SPOCK3: variants seen among roughly 807,000 people sequenced by gnomAD.
SPOCK3 encodes SPARC (osteonectin), cwcv and kazal like domains proteoglycan 3, also known as testican-3.
Under a neutral mutation model 56.6 loss-of-function variants are expected in SPOCK3, and 30 were observed. That is an observed-to-expected ratio of 0.53 (90% CI 0.40 to 0.72). The LOEUF is 0.72. Among genes scored for constraint, SPOCK3 ranks in the 30% least tolerant of loss-of-function variants. SPOCK3 has a pLI of 0.00. For missense variants in SPOCK3, 527 were observed against 530.0 expected, an observed-to-expected ratio of 0.99 and a Z score of 0.06; for synonymous variants, 196 against 183.3, an observed-to-expected ratio of 1.07 and a Z score of -0.56.
chr4:167,109,413 A>G (rs1561225473), intron 2 of SPOCK3, among the ~76,000 whole-genome samples: 1 of 82,130 alleles, frequency 1.2e-5, no homozygotes, highest in African/African-American at 4.4e-5. Context: ...ATATAAATAT[A>G]TATATAAATA....
chr4:166,926,961 T>C (rs1380628862), intron 4 of SPOCK3, among the ~76,000 whole-genome samples: 2 of 152,122 alleles, frequency 1.3e-5, no homozygotes, highest in Admixed American at 1.3e-4. Context: ...AGATTTATAA[T>C]GCTTAAATCC....
At chr4:166,736,549 T>C (rs962870085) in intron 10 of SPOCK3, among the ~76,000 whole-genome samples, 1 of 152,158 alleles carries the variant, frequency 6.6e-6, no homozygotes, top group Non-Finnish European at 1.5e-5. Flanking sequence ...AGATTACTTT[T>C]ATTGTTTATC....
chr4:166,793,780 G>A (rs1409927567), intron 6 of SPOCK3, among the ~76,000 whole-genome samples: 2 of 152,110 alleles, frequency 1.3e-5, no homozygotes, highest in Non-Finnish European at 2.9e-5. Flanking sequence ...CTGAAAGGCA[G>A]CATAGCAACA....
chr4:167,037,425 T>C (rs1318763604), intron 3 of SPOCK3, among the ~76,000 whole-genome samples: 1 of 149,240 alleles, frequency 6.7e-6, no homozygotes, highest in Non-Finnish European at 1.5e-5. Flanking sequence ...GAGGTTGCAG[T>C]GAGCCGAGAT....
At chr4:166,963,365 T>G (rs1201297570) in intron 4 of SPOCK3, among the ~76,000 whole-genome samples, 1 of 152,056 alleles carries the variant, frequency 6.6e-6, no homozygotes, top group Non-Finnish European at 1.5e-5. Context: ...AATTGAGATG[T>G]TAACCTCAAA....
At chr4:167,013,573 T>C (rs998213190) in intron 3 of SPOCK3, among the ~76,000 whole-genome samples, 2 of 151,536 alleles carry the variant, frequency 1.3e-5, no homozygotes, top group Non-Finnish European at 2.9e-5. Flanking sequence ...TTTACCGGTT[T>C]CCATTTTGTA....
At chr4:167,023,308 C>T (rs537537512) in intron 3 of SPOCK3, among the ~76,000 whole-genome samples, 1 of 151,918 alleles carries the variant, frequency 6.6e-6, no homozygotes, top group Non-Finnish European at 1.5e-5. Flanking sequence ...GCCATGGGTA[C>T]TGTGTCTGGT....
chr4:166,839,368 C>T (rs1308074077), intron 6 of SPOCK3, among the ~76,000 whole-genome samples: 1 of 152,128 alleles, frequency 6.6e-6, no homozygotes, highest in Non-Finnish European at 1.5e-5. Flanking sequence ...CCACTGACAA[C>T]AGGAAGAAGG....
chr4:167,062,601 A>C (rs547573601), intron 2 of SPOCK3, 64 bp from the exon 3 acceptor site: 16 of 1,302,580 alleles, frequency 1.2e-5, no homozygotes, highest in Non-Finnish European at 1.6e-5. Flanking sequence ...GTTCATATAA[A>C]ATCTAAAATT....
At chr4:166,763,768 A>G (rs1430031301) in intron 7 of SPOCK3, among the ~76,000 whole-genome samples, 1 of 152,140 alleles carries the variant, frequency 6.6e-6, no homozygotes, top group Non-Finnish European at 1.5e-5. Context: ...TAAACCCTAG[A>G]GCAAACACCA....
intron 4 of SPOCK3, among the ~76,000 whole-genome samples, chr4:166,923,435 G>A (rs1371406935): frequency 6.6e-6 from 1 of 152,158 alleles, no homozygotes; most frequent in East Asian, 1.9e-4. Flanking sequence ...TCACAACAGG[G>A]AGAATACTCA....
At chr4:167,062,633 T>TA in intron 2 of SPOCK3, 96 bp from the exon 3 acceptor site, 1 of 869,782 alleles carries the variant, frequency 1.1e-6, no homozygotes, top group Non-Finnish European at 1.9e-6. Flanking sequence ...ACAGAAGCTG[T>TA]ATACAAACCT....
At chr4:167,039,458 T>A in intron 3 of SPOCK3, among the ~76,000 whole-genome samples, 1 of 152,226 alleles carries the variant, frequency 6.6e-6, no homozygotes, top group East Asian at 1.9e-4. Flanking sequence ...AATGTAAAAA[T>A]TTTATTTCTA....
At chr4:167,083,150 G>A in intron 2 of SPOCK3, 1 of 763,956 alleles carries the variant, frequency 1.3e-6, no homozygotes, top group Non-Finnish European at 2.4e-6. Flanking sequence ...GGTTGCCCTA[G>A]GCTGTTCTTC....
chr4:166,980,207 CT>C (rs1746414594), intron 4 of SPOCK3, among the ~76,000 whole-genome samples: 1 of 152,170 alleles, frequency 6.6e-6, no homozygotes, highest in Non-Finnish European at 1.5e-5. Flanking sequence ...ACATATTAGA[CT>C]TTAGCCTGCA....
At chr4:167,020,347 G>C (rs933914529) in intron 3 of SPOCK3, among the ~76,000 whole-genome samples, 2 of 152,048 alleles carry the variant, frequency 1.3e-5, no homozygotes, top group African/African-American at 4.8e-5. Context: ...TTTCCAAAGA[G>C]GGTAACATGT....
chr4:166,843,169 C>T (rs944114593), intron 6 of SPOCK3, among the ~76,000 whole-genome samples: 11 of 152,278 alleles, frequency 7.2e-5, no homozygotes, highest in African/African-American at 2.4e-4. Context: ...GAGTTCCTCT[C>T]CCTCCACACC....
intron 4 of SPOCK3, among the ~76,000 whole-genome samples, chr4:166,962,303 T>C (rs1251867650): frequency 2.0e-5 from 3 of 152,136 alleles, no homozygotes; most frequent in Admixed American, 2.0e-4. Context: ...GATATTTAGA[T>C]GTCCTCTCAG....
At chr4:166,982,628 A>C (rs760687489) in intron 4 of SPOCK3, among the ~76,000 whole-genome samples, 18 of 152,214 alleles carry the variant, frequency 1.2e-4, no homozygotes, top group Non-Finnish European at 2.1e-4. Context: ...TATCCATATA[A>C]ATAAAATCAA....
Sources: gnomAD v4.1 joint callset for allele counts (sites outside exome capture counted in the v4.1 genomes callset) on GRCh38, gnomAD v4.1.1 for gene constraint, MANE v1.5 for transcripts, NCBI Gene and HGNC (gene_info 2026-07-23, HGNC 2026-07-21) for gene names.